The following USP50 variants were observed in gnomAD, a reference collection of about 807,000 sequenced individuals.
USP50 encodes the protein ubiquitin specific peptidase 50, also known as ubiquitin carboxyl-terminal hydrolase 50.
Under a neutral mutation model 39.2 loss-of-function variants are expected in USP50, and 37 were observed. The ratio of observed to expected loss-of-function variants is 0.94; its 90% CI spans 0.73 to 1.24. USP50 has a LOEUF of 1.24. Ranked by LOEUF, USP50 falls within the 50% of genes most tolerant of loss-of-function variation. The pLI, the probability that USP50 is intolerant of heterozygous loss-of-function variation, is 0.00. For synonymous variants in USP50, 139 were observed against 144.5 expected (o/e 0.96, Z 0.27); for missense variants, 374 against 398.2 (o/e 0.94, Z 0.52).
At chr15:50,534,916 G>A (rs1000561103) in intron 5 of USP50, among the ~76,000 whole-genome samples, 1 of 152,096 alleles carries the variant, frequency 6.6e-6, no homozygotes, top group Non-Finnish European at 1.5e-5. Flanking sequence ...CGAGGTGGGC[G>A]GGCCACTTGA....
downstream of USP50, chr15:50,493,838 C>G (rs935840486): frequency 7.5e-6 from 5 of 667,894 alleles, no homozygotes; most frequent in Non-Finnish European, 1.4e-5. Context: ...GAACTGGAGC[C>G]TGTTGATGAT....
Position 50,541,217 on chromosome 15 carries a change from T to C in USP50, c.492A>G (p.Arg164=). ...RRSYEKGSTQ[R]CCRKWITTET... ...CAGTGGTAATCCACTTCCTGCAGCA[T>C]CTCTGAGTAGATCCTTTCTCATATG... The change falls in exon 4 of 7, where the codon AGA becomes AGG. Residue 164 remains arginine, a synonymous_variant. Transcript: ENST00000532404. The C allele has an allele frequency of 6.2e-7, 1 of 1,613,950 alleles. No homozygotes were observed. Among genetic ancestry groups the C allele is most frequent in the Non-Finnish European group, 8.5e-7 (1 of 1,179,880 alleles).
chr15:50,500,908 G>T (rs1010365913), intron 6 of USP50, 71 bp from the exon 7 acceptor site: 1 of 1,212,046 alleles, frequency 8.3e-7, no homozygotes, highest in Non-Finnish European at 1.2e-6. Flanking sequence ...AAATGATAGG[G>T]CCAAGAGATG....
intron 5 of USP50, among the ~76,000 whole-genome samples, chr15:50,533,609 G>A (rs2052958495): frequency 6.6e-6 from 1 of 152,180 alleles, no homozygotes; most frequent in African/African-American, 2.4e-5. Context: ...CTAGAATTCT[G>A]TAGTGTAAAT....
chr15:50,494,298 TC>T (rs2052288991), intron 1 of USP50: 2 of 1,584,246 alleles, frequency 1.3e-6, no homozygotes, highest in Non-Finnish European at 1.7e-6. Context: ...ATTTGATTTT[TC>T]TAAGTTGCAG....
intron 6 of USP50, among the ~76,000 whole-genome samples, chr15:50,527,295 C>G (rs1001198739): frequency 6.6e-6 from 1 of 152,234 alleles, no homozygotes; most frequent in South Asian, 2.1e-4. Context: ...ACCTCCGCCT[C>G]CCAGGTTCAA....
chr15:50,529,428 C>T (rs1271496839), intron 6 of USP50, among the ~76,000 whole-genome samples: 1 of 151,846 alleles, frequency 6.6e-6, no homozygotes, highest in East Asian at 1.9e-4. Flanking sequence ...TTGGAGGCTG[C>T]AGCGAGCTGG....
chr15:50,544,720 G>T lies in USP50; in HGVS notation c.115C>A (p.His39Asn), dbSNP rs769242875. The T allele has an allele frequency of 6.2e-7, 1 of 1,614,008 alleles. No homozygotes were observed. The highest frequency in any genetic ancestry group is 8.5e-7 in the Non-Finnish European group (1 of 1,179,896). ...CACAAGCCAGTGACACCCTGAAAATGGGGCTGGTTCCCATCAGCCTCCTTA... is the reference window on the plus strand; with the variant it reads ...CACAAGCCAGTGACACCCTGAAAATTGGGCTGGTTCCCATCAGCCTCCTTA... Reference protein sequence around the residue: ...PVKEADGNQPHFQGVTGLWNL... With the variant: ...PVKEADGNQPNFQGVTGLWNL... The change falls in exon 2 of 7, where the codon CAT (histidine) becomes AAT (asparagine). Residue 39 changes from histidine (H) to asparagine (N), a missense_variant. By Grantham distance (68) the His-to-Asn change is moderately conservative. Transcript: ENST00000532404.
At chr15:50,494,342 T>C in intron 1 of USP50, 1 of 1,409,094 alleles carries the variant, frequency 7.1e-7, no homozygotes. Context: ...AGCACTGTAT[T>C]TTTATAGCAG....
intron 5 of USP50, among the ~76,000 whole-genome samples, chr15:50,530,947 T>G (rs1256926576): frequency 6.6e-6 from 1 of 152,024 alleles, no homozygotes; most frequent in African/African-American, 2.4e-5. Flanking sequence ...TTTTGTTTGT[T>G]TTTTTTTAAT....
At chr15:50,540,999 G>A (rs746815761) in intron 4 of USP50, 50 bp downstream of exon 4, 12 of 1,425,694 alleles carry the variant, frequency 8.4e-6, no homozygotes, top group African/African-American at 7.0e-5. Flanking sequence ...GAGAAAATCC[G>A]GGGCTGAGAG....
chr15:50,544,034 GA>G, intron 2 of USP50: 25 of 493,656 alleles, frequency 5.1e-5, no homozygotes, highest in East Asian at 1.1e-4. Flanking sequence ...CTGTCTAAAA[GA>G]AAAAAAAGGA....
intron 6 of USP50, among the ~76,000 whole-genome samples, chr15:50,518,359 T>A (rs2052820024): frequency 7.0e-6 from 1 of 143,812 alleles, no homozygotes; most frequent in African/African-American, 2.4e-5. Context: ...TAGCTGGGGC[T>A]ACAGGCACCC....
At chr15:50,493,332 T>C, downstream of USP50, 1 of 520,600 alleles carries the variant, frequency 1.9e-6, no homozygotes, top group South Asian at 1.4e-5. Flanking sequence ...AGCATTTTGG[T>C]GTAGGGCTAC....
rs149621757 is a variant in USP50, at chr15:50,528,106, T to C, written c.936+1691A>G. On this transcript the variant is annotated intron_variant, in intron 6 of 6. Coordinates refer to ENST00000532404, the MANE Select transcript of USP50 (RefSeq NM_203494.5). ...TTTTTTTAGAGATGGGGTTTTGCCA[T>C]GTTGCCAGGGCTGCTAGCTTGAACT... Among the ~76,000 whole-genome samples, 1,327 of 148,508 alleles carry C rather than the reference T, an allele frequency of 8.9e-3. 11 individuals are homozygous for C. The highest frequency in any genetic ancestry group is 0.017 in the Admixed American group (244 of 14,728).
chr15:50,537,916 A>G (rs187464552), intron 5 of USP50, among the ~76,000 whole-genome samples: 78 of 37,824 alleles, frequency 2.1e-3, no homozygotes, highest in South Asian at 4.1e-3. Context: ...GAGGGAAGGG[A>G]AGGGAAGGGA....
chr15:50,529,973 A>AC, intron 5 of USP50, 44 bp from the exon 6 acceptor site: 1 of 1,608,732 alleles, frequency 6.2e-7, no homozygotes, highest in Non-Finnish European at 8.5e-7. Context: ...AAGCTTGTGA[A>AC]CCACTCATTT....
At chr15:50,539,272 C>A (rs973208384) in intron 4 of USP50, among the ~76,000 whole-genome samples, 15 of 151,548 alleles carry the variant, frequency 9.9e-5, no homozygotes, top group Admixed American at 2.0e-4. Flanking sequence ...CCAAGCCCAG[C>A]TAATCTTTAT....
downstream of USP50, chr15:50,499,438 A>T (rs910920200): frequency 6.0e-6 from 1 of 166,686 alleles, no homozygotes; most frequent in Non-Finnish European, 1.3e-5. Flanking sequence ...TCTAAATCCC[A>T]TCTTGATATA....
Sources: gnomAD v4.1 joint callset for allele counts (sites outside exome capture counted in the v4.1 genomes callset) on GRCh38, gnomAD v4.1.1 for gene constraint, MANE v1.5 for transcripts, NCBI Gene and HGNC (gene_info 2026-07-23, HGNC 2026-07-21) for gene names.